BBX: variants seen among roughly 807,000 people sequenced by gnomAD.
BBX encodes HMG box transcription factor BBX.
A neutral mutation model predicts 100.2 loss-of-function variants in BBX; 30 were observed. The observed-to-expected ratio is 0.30, with a 90% CI of 0.22 to 0.41. BBX has a LOEUF of 0.41. Among genes scored for constraint, BBX ranks in the 10% least tolerant of loss-of-function variants. The pLI, the probability that BBX is intolerant of heterozygous loss-of-function variation, is 1.00. For synonymous variants in BBX, 376 were observed against 388.1 expected (o/e 0.97, Z 0.37); for missense variants, 1,023 against 1,129.8 (o/e 0.91, Z 1.35).
intron 7 of BBX, among the ~76,000 whole-genome samples, chr3:107,734,458 T>A (rs2063516133): frequency 6.6e-6 from 1 of 152,204 alleles, no homozygotes; most frequent in South Asian, 2.1e-4. Context: ...TCTAACACAT[T>A]GCTGCTACCT....
intron 17 of BBX, 54 bp from the exon 18 acceptor site, chr3:107,805,315 CT>C: frequency 6.6e-7 from 1 of 1,526,178 alleles, no homozygotes; most frequent in Non-Finnish European, 8.9e-7. Context: ...TCGTCCTCTC[CT>C]GTCTCTAATA....
chr3:107,683,606 A>G (rs758683089), intron 3 of BBX, among the ~76,000 whole-genome samples: 1 of 152,158 alleles, frequency 6.6e-6, no homozygotes, highest in Non-Finnish European at 1.5e-5. Context: ...GCATGTTCAC[A>G]TACTGGAGTG....
intron 2 of BBX, among the ~76,000 whole-genome samples, chr3:107,528,888 A>G (rs1020149296): frequency 1.3e-5 from 2 of 152,222 alleles, no homozygotes; most frequent in Non-Finnish European, 2.9e-5. Flanking sequence ...CTAACAGTAT[A>G]TGTTTTCTTA....
intron 3 of BBX, among the ~76,000 whole-genome samples, chr3:107,682,126 G>A (rs1193638770): frequency 1.3e-5 from 2 of 152,120 alleles, no homozygotes; most frequent in Non-Finnish European, 2.9e-5. Flanking sequence ...AATAGCAGAT[G>A]TAGAATAAAT....
At chr3:107,626,431 C>T (rs544880867) in intron 2 of BBX, among the ~76,000 whole-genome samples, 1 of 152,202 alleles carries the variant, frequency 6.6e-6, no homozygotes. Context: ...CATTCTCTCA[C>T]AGTTTCTATG....
chr3:107,794,507 T>C (rs1453209280), intron 15 of BBX, among the ~76,000 whole-genome samples: 1 of 152,102 alleles, frequency 6.6e-6, no homozygotes, highest in Non-Finnish European at 1.5e-5. Context: ...AGTGTATAAA[T>C]CTAATTACAG....
chr3:107,569,507 A>T (rs984240636), intron 2 of BBX, among the ~76,000 whole-genome samples: 2 of 151,804 alleles, frequency 1.3e-5, no homozygotes, highest in Non-Finnish European at 2.9e-5. Flanking sequence ...GTTTTATAGG[A>T]TTTGGGTAGG....
At chr3:107,667,244 T>A (rs188572905) in intron 3 of BBX, among the ~76,000 whole-genome samples, 1 of 152,348 alleles carries the variant, frequency 6.6e-6, no homozygotes. Context: ...TATTATAATG[T>A]GTCTTTGATT....
intron 5 of BBX, among the ~76,000 whole-genome samples, chr3:107,727,523 T>G (rs1014015204): frequency 6.6e-6 from 1 of 152,186 alleles, no homozygotes; most frequent in Non-Finnish European, 1.5e-5. Flanking sequence ...TATGCTTACC[T>G]TCCTTCTACA....
Position 107,757,197 on chromosome 3 carries a change from GT to G in BBX, c.906+1528del, listed in dbSNP as rs948608477. On this transcript the variant is annotated intron_variant, in intron 10 of 17. Transcript: ENST00000325805. Reference sequence around the variant, plus strand: ...AATGTATGATATTTACCTTTAAACAGTTTTTTTTTGTTAAAAATGTATGAAC... The same window carrying G: ...AATGTATGATATTTACCTTTAAACAGTTTTTTTTGTTAAAAATGTATGAAC... Among the ~76,000 whole-genome samples, 291 of 150,846 alleles carry G rather than the reference GT, an allele frequency of 1.9e-3. 1 individual carries two copies. Among genetic ancestry groups the G allele is most frequent in the African/African-American group, 6.8e-3 (279 of 41,090 alleles).
At chr3:107,545,729 C>A (rs1366136569) in intron 2 of BBX, among the ~76,000 whole-genome samples, 3 of 152,148 alleles carry the variant, frequency 2.0e-5, no homozygotes, top group Admixed American at 2.0e-4. Flanking sequence ...AGTAGGAAAT[C>A]CATTACCCTG....
chr3:107,761,982 C>A (rs1198479722), intron 10 of BBX, among the ~76,000 whole-genome samples: 2 of 152,192 alleles, frequency 1.3e-5, no homozygotes, highest in Admixed American at 1.3e-4. Flanking sequence ...TCAGCTCCTC[C>A]TACACTATCG....
At chr3:107,649,931 A>T (rs143045832) in intron 3 of BBX, among the ~76,000 whole-genome samples, 2 of 152,332 alleles carry the variant, frequency 1.3e-5, no homozygotes, top group East Asian at 3.9e-4. Context: ...TTTACTCTGT[A>T]TATTAATAAG....
chr3:107,782,256 C>T (rs1012424758), intron 13 of BBX, among the ~76,000 whole-genome samples: 10 of 152,066 alleles, frequency 6.6e-5, no homozygotes, highest in African/African-American at 2.4e-4. Context: ...TTATTCAAGT[C>T]AGTAAATGCA....
rs2051618307 is a variant in BBX at position 107,574,432 on chromosome 3, A to G, written c.-84+48034A>G. Among the ~76,000 whole-genome samples, 3 of 152,336 alleles carry G rather than the reference A, an allele frequency of 2.0e-5. No homozygotes were observed. In the South Asian group the frequency reaches 6.2e-4, roughly 32 times the overall value. Reference sequence around the variant, plus strand: ...TTGAGAAATGTAATTTCAGGGAAATATATATCTTAGATAAGTATCTATTAA... The same window carrying G: ...TTGAGAAATGTAATTTCAGGGAAATGTATATCTTAGATAAGTATCTATTAA... On this transcript the variant is annotated intron_variant, in intron 2 of 17. Transcript: ENST00000325805.
chr3:107,675,893 C>T (rs2059257417), intron 3 of BBX, among the ~76,000 whole-genome samples: 1 of 152,118 alleles, frequency 6.6e-6, no homozygotes, highest in Non-Finnish European at 1.5e-5. Flanking sequence ...TGAAGGGTTT[C>T]ATTTTTAGAA....
chr3:107,545,291 A>C (rs1166852314), intron 2 of BBX, among the ~76,000 whole-genome samples: 1 of 152,216 alleles, frequency 6.6e-6, no homozygotes, highest in Non-Finnish European at 1.5e-5. Flanking sequence ...ATCCATCATT[A>C]AAAGCTAATT....
chr3:107,671,332 G>A (rs2059009967), intron 3 of BBX, among the ~76,000 whole-genome samples: 1 of 151,978 alleles, frequency 6.6e-6, no homozygotes, highest in Non-Finnish European at 1.5e-5. Context: ...AAATCCACAT[G>A]TAGTGTATTT....
intron 3 of BBX, among the ~76,000 whole-genome samples, chr3:107,705,452 G>A (rs1168833357): frequency 6.6e-6 from 1 of 152,122 alleles, no homozygotes; most frequent in African/African-American, 2.4e-5. Flanking sequence ...TAGATGAGAG[G>A]ATCTTATTCA....
Sources: gnomAD v4.1 joint callset for allele counts (sites outside exome capture counted in the v4.1 genomes callset) on GRCh38, gnomAD v4.1.1 for gene constraint, MANE v1.5 for transcripts, NCBI Gene and HGNC (gene_info 2026-07-23, HGNC 2026-07-21) for gene names.